ARHGAP26: variants seen among roughly 807,000 people sequenced by gnomAD.
The protein encoded by ARHGAP26 is rho GTPase-activating protein 26.
ARHGAP26 carries 38 observed loss-of-function variants against 104.8 expected under a neutral mutation model. The ratio of observed to expected loss-of-function variants is 0.36; its 90% CI spans 0.28 to 0.48. The LOEUF is 0.48. Among genes scored for constraint, ARHGAP26 ranks in the 20% least tolerant of loss-of-function variants. The pLI is 0.99. For missense variants in ARHGAP26, 704 were observed against 947.9 expected, an observed-to-expected ratio of 0.74 and a Z score of 3.38; for synonymous variants, 341 against 340.0, an observed-to-expected ratio of 1.00 and a Z score of -0.03.
At chr5:143,202,603 G>A (rs968552926) in intron 20 of ARHGAP26, 1 of 152,110 alleles carries the variant, frequency 6.6e-6, no homozygotes, top group Non-Finnish European at 1.5e-5. Flanking sequence ...AACCAAAAAA[G>A]AGCCCGTATA....
At chr5:143,192,945 ATGC>A (rs1806162888) in intron 20 of ARHGAP26, among the ~76,000 whole-genome samples, 1 of 152,214 alleles carries the variant, frequency 6.6e-6, no homozygotes, top group African/African-American at 2.4e-5. Flanking sequence ...GAGCATTCAT[ATGC>A]AGTAGGCGCT....
chr5:142,778,868 T>C (rs1331884538), intron 1 of ARHGAP26, among the ~76,000 whole-genome samples: 3 of 152,132 alleles, frequency 2.0e-5, no homozygotes, highest in African/African-American at 7.2e-5. Flanking sequence ...CTTAATCTTT[T>C]GGTTAAATCA....
At chr5:142,989,153 T>A (rs1305745919) in intron 11 of ARHGAP26, among the ~76,000 whole-genome samples, 1 of 152,230 alleles carries the variant, frequency 6.6e-6, no homozygotes, top group Non-Finnish European at 1.5e-5. Flanking sequence ...TCTAAGGACT[T>A]GCTTTATGAA....
rs1390007886 is a variant in ARHGAP26, at chr5:143,048,140, G to A, written c.1285+6250G>A. On this transcript the variant is annotated intron_variant, in intron 14 of 22. Transcript: ENST00000645722. ...CTGGGATTATAAGGCGTGAGCCACCGCACCTGGCAGTGTGTTCCTCTTTTG... is the reference window on the plus strand; with the variant it reads ...CTGGGATTATAAGGCGTGAGCCACCACACCTGGCAGTGTGTTCCTCTTTTG... 4.6e-5 allele frequency among the ~76,000 whole-genome samples: 7 copies of A among 151,158 alleles called. No individual in the cohort carries two copies. The East Asian group carries it at 1.2e-3, about 26-fold the overall frequency.
At chr5:142,790,329 A>G (rs1759540801) in intron 1 of ARHGAP26, among the ~76,000 whole-genome samples, 1 of 152,136 alleles carries the variant, frequency 6.6e-6, no homozygotes, top group South Asian at 2.1e-4. Context: ...GAAAATTGTA[A>G]GGCATCCCTT....
rs1243525165 is a variant in ARHGAP26, at chr5:143,226,681, A to AG, written c.*4236dup. The AG allele has an allele frequency of 1.9e-5, 4 of 214,748 alleles. No individual in the cohort carries two copies. The East Asian group carries it at 2.8e-4, about 15-fold the overall frequency. 13.3% of individuals were successfully genotyped at this position (214,748 alleles called of 1,614,324 possible). ...TGTCCTAGAATTGGAGCCAGTCTTT[A>AG]GCTTAATGTCTGAAGTATTTATACG... On this transcript the variant is annotated 3_prime_UTR_variant, in exon 23 of 23. Transcript: ENST00000645722.
chr5:143,137,182 T>C (rs1171461680), intron 19 of ARHGAP26, among the ~76,000 whole-genome samples: 1 of 152,270 alleles, frequency 6.6e-6, no homozygotes, highest in Non-Finnish European at 1.5e-5. Context: ...ACCATTAAGA[T>C]GGAAAGTGGT....
intron 11 of ARHGAP26, among the ~76,000 whole-genome samples, chr5:142,938,279 T>A (rs1455148883): frequency 6.6e-6 from 1 of 152,200 alleles, no homozygotes; most frequent in East Asian, 1.9e-4. Flanking sequence ...ATTCAGATAG[T>A]CAGATAAAGC....
rs181876866 is a variant in ARHGAP26 at position 143,126,569 on chromosome 5, C to T, written c.1698+5422C>T. On this transcript the variant is annotated intron_variant, in intron 18 of 22. Coordinates refer to ENST00000645722, the MANE Select transcript of ARHGAP26 (RefSeq NM_001135608.3). ...TAACCATACTGTTCTAAACTTGCAG[C>T]TCAGATAGTGTCACCTTTGACCTAC... Among the ~76,000 whole-genome samples, 354 of 152,296 alleles carry T rather than the reference C, an allele frequency of 2.3e-3. 1 individual carries two copies. Among genetic ancestry groups the T allele is most frequent in the African/African-American group, 8.2e-3 (342 of 41,576 alleles).
chr5:143,142,400 A>G (rs751262293), intron 19 of ARHGAP26, among the ~76,000 whole-genome samples: 14 of 151,958 alleles, frequency 9.2e-5, no homozygotes, highest in Non-Finnish European at 1.3e-4. Context: ...TCGGCCTCCC[A>G]AAGTGCTGGG....
chr5:142,909,160 A>T (rs1054081303), intron 9 of ARHGAP26, among the ~76,000 whole-genome samples: 1 of 151,994 alleles, frequency 6.6e-6, no homozygotes, highest in South Asian at 2.1e-4. Context: ...CCCTCTGGAG[A>T]TATTTAAATG....
chr5:143,012,548 C>CATATATATATATATACATATATAT, intron 11 of ARHGAP26, among the ~76,000 whole-genome samples: 1 of 23,352 alleles, frequency 4.3e-5, no homozygotes. Flanking sequence ...TATATACATA[C>CATATATATATATATACATATATAT]ATACATATAT....
At chr5:142,873,091 TC>T (rs778818833) in intron 1 of ARHGAP26, among the ~76,000 whole-genome samples, 1 of 152,192 alleles carries the variant, frequency 6.6e-6, no homozygotes, top group Non-Finnish European at 1.5e-5. Flanking sequence ...CCAAGCTTTC[TC>T]CCCGACTTCC....
Position 143,225,958 on chromosome 5 carries a change from T to C in ARHGAP26, c.*3512T>C, listed in dbSNP as rs1811624428. ...AAGATTTTACTCTCTCCCCTATCCA[T>C]GCCCCCTACCTCTGACTCTCTCTGT... On this transcript the variant is annotated 3_prime_UTR_variant, in exon 23 of 23. Coordinates refer to ENST00000645722, the MANE Select transcript of ARHGAP26 (RefSeq NM_001135608.3). The C allele has an allele frequency of 4.6e-6, 1 of 217,718 alleles. No individual in the cohort carries two copies. The highest frequency in any genetic ancestry group is 9.3e-6 in the Non-Finnish European group (1 of 108,086). 13.5% of individuals were successfully genotyped at this position (217,718 alleles called of 1,614,324 possible).
intron 12 of ARHGAP26, among the ~76,000 whole-genome samples, chr5:143,029,254 T>C (rs1433719650): frequency 6.6e-6 from 1 of 152,148 alleles, no homozygotes; most frequent in Non-Finnish European, 1.5e-5. Context: ...CCAACCAGGC[T>C]CTATAAAGAG....
At chr5:142,820,254 C>T (rs1195055406) in intron 1 of ARHGAP26, among the ~76,000 whole-genome samples, 1 of 152,036 alleles carries the variant, frequency 6.6e-6, no homozygotes, top group African/African-American at 2.4e-5. Context: ...CTGAGCCATC[C>T]CAACTTCTTA....
At chr5:143,089,219 C>T (rs1791052621) in intron 17 of ARHGAP26, among the ~76,000 whole-genome samples, 1 of 152,150 alleles carries the variant, frequency 6.6e-6, no homozygotes, top group Admixed American at 6.5e-5. Context: ...AGAAGCTTCT[C>T]TGGATAAGGT....
chr5:143,065,188 A>G (rs1598864014), intron 17 of ARHGAP26, among the ~76,000 whole-genome samples: 1 of 152,250 alleles, frequency 6.6e-6, no homozygotes, highest in East Asian at 1.9e-4. Context: ...CTTCCTTGCT[A>G]ATCCTAGCAG....
intron 20 of ARHGAP26, among the ~76,000 whole-genome samples, chr5:143,181,349 T>G (rs970670580): frequency 2.0e-5 from 3 of 152,250 alleles, no homozygotes; most frequent in Admixed American, 6.5e-5. Flanking sequence ...GTTGCACTTC[T>G]GCAACCTTGC....
Sources: allele counts gnomAD v4.1 joint callset (sites outside exome capture counted in the v4.1 genomes callset), GRCh38; gene constraint gnomAD v4.1.1; transcripts MANE v1.5; gene names NCBI Gene and HGNC (gene_info 2026-07-23, HGNC 2026-07-21).